Variants in HTR4 observed in about 807,000 individuals in gnomAD.
The protein encoded by HTR4 is 5-hydroxytryptamine receptor 4.
A neutral mutation model predicts 36.8 loss-of-function variants in HTR4; 16 were observed. That is an observed-to-expected ratio of 0.43 (90% confidence interval 0.29 to 0.66). HTR4 has a LOEUF of 0.66. Among genes scored for constraint, HTR4 ranks in the 30% least tolerant of loss-of-function variants. HTR4 has a pLI of 0.13. For synonymous variants in HTR4, 189 were observed against 185.1 expected (o/e 1.02, Z -0.17); for missense variants, 438 against 490.9 (o/e 0.89, Z 1.02).
intron 5 of HTR4, among the ~76,000 whole-genome samples, chr5:148,516,312 C>CTTTTTTTTTTTTTT (rs954784476): frequency 1.6e-4 from 12 of 76,496 alleles, no homozygotes; most frequent in African/African-American, 2.6e-4. Context: ...ATTCCCCCCT[C>CTTTTTTTTTTTTTT]TTTTTTTTTT....
At position 148,482,800 on chromosome 5, in the gene HTR4, T is replaced by A; in HGVS notation, c.*403A>T. The A allele has an allele frequency of 9.5e-7, 1 of 1,048,660 alleles. No individual in the cohort carries two copies. 65.0% of individuals were successfully genotyped at this position (1,048,660 alleles called of 1,614,324 possible). A position where few individuals can be genotyped will look rare whatever the true frequency, so the allele number is the denominator to read the frequency against. The stretch of plus-strand genomic sequence containing the variant: ...ACAGAGAGGGAGTATTTTGTTGATA[T>A]CTGGAAGCCCACACAGCAAAGAAGG... On this transcript the variant is annotated 3_prime_UTR_variant, in exon 7 of 7. Transcript: ENST00000377888.
At chr5:148,539,419 A>G (rs1758997558) in intron 4 of HTR4, among the ~76,000 whole-genome samples, 2 of 152,184 alleles carry the variant, frequency 1.3e-5, no homozygotes, top group East Asian at 1.9e-4. Context: ...GAAACTATCA[A>G]CAGAGCAAAC....
chr5:148,474,165 C>T (rs368010932), downstream of HTR4, among the ~76,000 whole-genome samples: 1 of 152,202 alleles, frequency 6.6e-6, no homozygotes, highest in Non-Finnish European at 1.5e-5. Context: ...AGAAATGGTG[C>T]CTCTGCTCAG....
At chr5:148,600,309 A>G (rs1761938493) in intron 2 of HTR4, among the ~76,000 whole-genome samples, 1 of 147,496 alleles carries the variant, frequency 6.8e-6, no homozygotes, top group Non-Finnish European at 1.5e-5. Flanking sequence ...TATATATTAT[A>G]TTATATATTT....
At chr5:148,489,914 T>C (rs1208273159) in intron 6 of HTR4, among the ~76,000 whole-genome samples, 3 of 152,130 alleles carry the variant, frequency 2.0e-5, no homozygotes, top group Non-Finnish European at 4.4e-5. Context: ...CATGTCTGAA[T>C]GGCCTTTCCA....
At chr5:148,517,811 A>G (rs1581413277) in intron 5 of HTR4, among the ~76,000 whole-genome samples, 1 of 152,284 alleles carries the variant, frequency 6.6e-6, no homozygotes, top group East Asian at 1.9e-4. Context: ...TTCTTTAACA[A>G]TATAATTCAG....
intron 5 of HTR4, among the ~76,000 whole-genome samples, chr5:148,463,150 C>T (rs1396879619): frequency 1.6e-5 from 2 of 124,694 alleles, no homozygotes; most frequent in African/African-American, 6.0e-5. Context: ...CTTTGCTTTT[C>T]ATTTCTTTTT....
chr5:148,473,213 G>A (rs1196052322), downstream of HTR4, among the ~76,000 whole-genome samples: 1 of 151,586 alleles, frequency 6.6e-6, no homozygotes, highest in East Asian at 2.0e-4. Flanking sequence ...GCAGGGGATG[G>A]CGTGAACGCA....
chr5:148,465,760 A>G, intron 5 of HTR4: 1 of 1,504,700 alleles, frequency 6.6e-7, no homozygotes, highest in Non-Finnish European at 8.9e-7. Flanking sequence ...CTGTGAGGAC[A>G]GAAGTATAAA....
chr5:148,548,634 T>C, intron 4 of HTR4, 34 bp downstream of exon 4: 2 of 1,525,002 alleles, frequency 1.3e-6, no homozygotes, highest in Non-Finnish European at 1.8e-6. Context: ...GTCTCCAGCA[T>C]GGAGCTCCGC....
intron 6 of HTR4, among the ~76,000 whole-genome samples, chr5:148,505,418 A>T (rs982899140): frequency 4.6e-4 from 70 of 152,310 alleles, no homozygotes; most frequent in Non-Finnish European, 6.5e-4. Flanking sequence ...CCAATATCAC[A>T]CTGAATGGGC....
intron 1 of HTR4, among the ~76,000 whole-genome samples, chr5:148,638,577 A>G (rs1180740540): frequency 6.6e-6 from 1 of 152,110 alleles, no homozygotes; most frequent in Non-Finnish European, 1.5e-5. Context: ...GCATCTCAAG[A>G]TGGATGATTA....
intron 6 of HTR4, chr5:148,484,247 G>A (rs201870838): frequency 6.2e-7 from 1 of 1,610,388 alleles, no homozygotes; most frequent in Non-Finnish European, 8.5e-7. Context: ...ATAAAACAGA[G>A]AATCATAGTT....
downstream of HTR4, among the ~76,000 whole-genome samples, chr5:148,478,671 A>G (rs1168174306): frequency 1.3e-5 from 2 of 152,036 alleles, no homozygotes; most frequent in Admixed American, 1.3e-4. Context: ...ATAACCAGAG[A>G]TGGGAGATCC....
chr5:148,602,513 A>C (rs1376808410), intron 2 of HTR4, among the ~76,000 whole-genome samples: 2 of 152,210 alleles, frequency 1.3e-5, no homozygotes, highest in Non-Finnish European at 2.9e-5. Context: ...CCTTAAATGT[A>C]TACGTTATAA....
At chr5:148,622,516 A>T (rs1210649146) in intron 2 of HTR4, among the ~76,000 whole-genome samples, 1 of 151,904 alleles carries the variant, frequency 6.6e-6, no homozygotes, top group Non-Finnish European at 1.5e-5. Flanking sequence ...TCAGGCTGAT[A>T]TCCTTCTGAT....
At chr5:148,536,473 T>C (rs1315621038) in intron 4 of HTR4, among the ~76,000 whole-genome samples, 1 of 150,358 alleles carries the variant, frequency 6.7e-6, no homozygotes, top group Non-Finnish European at 1.5e-5. Context: ...TGTGACCCAA[T>C]GGTATGCTGT....
intron 6 of HTR4, among the ~76,000 whole-genome samples, chr5:148,489,735 T>C (rs1458187351): frequency 6.6e-6 from 1 of 152,088 alleles, no homozygotes; most frequent in Non-Finnish European, 1.5e-5. Context: ...TCAGGGGAGC[T>C]GGGCTGCAGC....
intron 6 of HTR4, among the ~76,000 whole-genome samples, chr5:148,508,869 T>C (rs946698658): frequency 6.6e-6 from 1 of 152,120 alleles, no homozygotes; most frequent in Non-Finnish European, 1.5e-5. Context: ...ATGAATATAT[T>C]ATCTCTACTC....
Sources: gnomAD v4.1 joint callset for allele counts (sites outside exome capture counted in the v4.1 genomes callset) on GRCh38, gnomAD v4.1.1 for gene constraint, MANE v1.5 for transcripts, NCBI Gene and HGNC (gene_info 2026-07-23, HGNC 2026-07-21) for gene names.